FAM13B: variants seen among roughly 807,000 people sequenced by gnomAD.
The protein encoded by FAM13B is family with sequence similarity 13 member B, also known as protein FAM13B.
FAM13B carries 60 observed loss-of-function variants against 117.3 expected under a neutral mutation model. The observed-to-expected ratio is 0.51, with a 90% confidence interval of 0.42 to 0.63. The LOEUF is 0.63. Among genes scored for constraint, FAM13B ranks in the 30% least tolerant of loss-of-function variants. The probability of loss-of-function intolerance (pLI) is 0.00; values close to 1 mark genes in which losing one functional copy is unlikely to be tolerated. For missense variants in FAM13B, 972 were observed against 1,091.9 expected, an observed-to-expected ratio of 0.89 and a Z score of 1.55; for synonymous variants, 332 against 356.1, an observed-to-expected ratio of 0.93 and a Z score of 0.76.
intron 1 of FAM13B, among the ~76,000 whole-genome samples, chr5:138,049,488 G>T (rs1791740076): frequency 6.6e-6 from 1 of 151,104 alleles, no homozygotes; most frequent in South Asian, 2.1e-4. Flanking sequence ...GGTCAGGCTG[G>T]TCTTGAACTG....
chr5:138,020,969 G>T, intron 2 of FAM13B, 62 bp downstream of exon 2: 1 of 1,132,830 alleles, frequency 8.8e-7, no homozygotes. Context: ...AGCTACAGGG[G>T]CAAGTTCCAA....
chr5:138,009,845 A>G (rs1296279581), intron 6 of FAM13B, among the ~76,000 whole-genome samples: 1 of 150,824 alleles, frequency 6.6e-6, no homozygotes, highest in Non-Finnish European at 1.5e-5. Context: ...GGTGGGAATT[A>G]TTGTGGTTGA....
At chr5:138,014,490 G>T (rs1784806557) in intron 4 of FAM13B, among the ~76,000 whole-genome samples, 1 of 152,192 alleles carries the variant, frequency 6.6e-6, no homozygotes, top group Non-Finnish European at 1.5e-5. Context: ...ATCTGAGTTG[G>T]AACAGTTTCA....
intron 10 of FAM13B, among the ~76,000 whole-genome samples, chr5:137,970,022 T>G (rs1002123937): frequency 6.6e-6 from 1 of 152,248 alleles, no homozygotes; most frequent in African/African-American, 2.4e-5. Flanking sequence ...TGGAACCAAG[T>G]TGGAAAACAT....
chr5:138,030,893 C>T (rs185947068), intron 1 of FAM13B, among the ~76,000 whole-genome samples: 1 of 152,000 alleles, frequency 6.6e-6, no homozygotes, highest in East Asian at 1.9e-4. Flanking sequence ...ATTAGTCAGG[C>T]GCAGTGGCAA....
chr5:137,954,330 T>TCCA lies in FAM13B; in HGVS notation c.1551_1553dup (p.Gly518dup). The TCCA allele has an allele frequency of 6.2e-7, 1 of 1,613,966 alleles. No individual in the cohort carries two copies. The highest frequency in any genetic ancestry group is 8.5e-7 in the Non-Finnish European group (1 of 1,179,998). On this transcript the variant is annotated inframe_insertion, in exon 15 of 24. Coordinates refer to ENST00000689681, the MANE Select transcript of FAM13B (RefSeq NM_001385994.1). ...CAGCTTGTGGAGACAGCTGAGCTTCTCCAGACTCAGAGTCCTCCTGCCAAG... is the reference window on the plus strand; with the variant it reads ...CAGCTTGTGGAGACAGCTGAGCTTCTCCACCAGACTCAGAGTCCTCCTGCCAAG...
intron 10 of FAM13B, among the ~76,000 whole-genome samples, chr5:137,970,085 G>A (rs1477906307): frequency 7.2e-5 from 11 of 152,040 alleles, no homozygotes; most frequent in African/African-American, 2.2e-4. Context: ...GCAGGCCAAC[G>A]TTCAGATTCA....
chr5:138,012,028 C>T lies in FAM13B; in HGVS notation c.371-83G>A, dbSNP rs191094399. The T allele has an allele frequency of 7.7e-3, 6,860 of 891,862 alleles. 136 individuals carry two copies. Among genetic ancestry groups the T allele is most frequent in the South Asian group, 0.053 (3,253 of 60,944 alleles). 55.2% of individuals were successfully genotyped at this position (891,862 alleles called of 1,614,324 possible). On this transcript the variant is annotated intron_variant, in intron 4 of 23. Coordinates refer to ENST00000689681, the MANE Select transcript of FAM13B (RefSeq NM_001385994.1). Reference sequence around the variant, plus strand: ...TTTGCCAGGTTCACATTACTCCACCCACATCACCTTTTTAATACAACAATT... The same window carrying T: ...TTTGCCAGGTTCACATTACTCCACCTACATCACCTTTTTAATACAACAATT...
At chr5:138,005,513 T>G (rs1782321367) in intron 7 of FAM13B, among the ~76,000 whole-genome samples, 1 of 151,154 alleles carries the variant, frequency 6.6e-6, no homozygotes, top group African/African-American at 2.4e-5. Context: ...CTGAAACAAC[T>G]CAAAATATCA....
At position 138,006,980 on chromosome 5, in the gene FAM13B, G is replaced by A; in HGVS notation, c.848+10C>T. On this transcript the variant is annotated intron_variant, in intron 7 of 23. Transcript: ENST00000689681. ...CTCAAAAGCTAAAGTTCATTCAACT[G>A]AGCTATTACCTTGTTGCCGTAACAC... is the stretch of plus-strand genomic sequence containing the variant. The A allele has an allele frequency of 6.3e-7, 1 of 1,594,172 alleles. No homozygotes were observed. Among genetic ancestry groups the A allele is most frequent in the Non-Finnish European group, 8.5e-7 (1 of 1,173,998 alleles).
intron 7 of FAM13B, among the ~76,000 whole-genome samples, chr5:138,000,764 CT>C (rs1561513861): frequency 6.6e-6 from 1 of 151,974 alleles, no homozygotes; most frequent in Non-Finnish European, 1.5e-5. Flanking sequence ...AACCCCATCC[CT>C]ATTAAGATTA....
rs761135698 is a variant in FAM13B, at chr5:137,954,380, T to C, written c.1508-4A>G. The C allele has an allele frequency of 6.2e-7, 1 of 1,610,396 alleles. No individual in the cohort carries two copies. The highest frequency in any genetic ancestry group is 1.3e-5 in the African/African-American group (1 of 74,766). On this transcript the variant is annotated splice_polypyrimidine_tract_variant and splice_region_variant and intron_variant, in intron 14 of 23. Coordinates refer to ENST00000689681, the MANE Select transcript of FAM13B (RefSeq NM_001385994.1). ...GACTTAAAAGCAGGAAATGGCTCTA[T>C]AAAACAAACACAAAGAATAGTACCA...
chr5:138,011,221 G>A (rs1783921197), intron 5 of FAM13B, 72 bp from the exon 6 acceptor site: 2 of 1,409,334 alleles, frequency 1.4e-6, no homozygotes, highest in Non-Finnish European at 1.9e-6. Context: ...GACAACCAAT[G>A]AGATACTTTA....
chr5:137,950,611 G>T (rs572620607), intron 17 of FAM13B, among the ~76,000 whole-genome samples: 11 of 152,274 alleles, frequency 7.2e-5, no homozygotes, highest in African/African-American at 2.6e-4. Context: ...ATGGCTCACT[G>T]CAGCCTTGAC....
At chr5:137,947,739 A>G (rs1053482345) in intron 18 of FAM13B, among the ~76,000 whole-genome samples, 13 of 151,978 alleles carry the variant, frequency 8.6e-5, no homozygotes, top group Admixed American at 8.5e-4. Flanking sequence ...TGCCACCACA[A>G]CCTGCTAATT....
intron 7 of FAM13B, among the ~76,000 whole-genome samples, chr5:137,993,262 A>G (rs903206271): frequency 6.6e-6 from 1 of 152,194 alleles, no homozygotes; most frequent in Non-Finnish European, 1.5e-5. Context: ...TGTGGTTACA[A>G]GGATATTTGC....
chr5:138,020,910 T>C (rs557530476), intron 2 of FAM13B, 121 bp downstream of exon 2: 1 of 530,928 alleles, frequency 1.9e-6, no homozygotes, highest in South Asian at 1.0e-4. Flanking sequence ...TTCTTCAATG[T>C]ATCTGGTGCC....
chr5:138,044,926 A>T (rs1791600388), intron 1 of FAM13B, among the ~76,000 whole-genome samples: 1 of 152,260 alleles, frequency 6.6e-6, no homozygotes, highest in Non-Finnish European at 1.5e-5. Flanking sequence ...ACTAAAAAAT[A>T]CAACTTTACA....
In FAM13B at chr5:137,942,906, G is replaced by C. The variant is rs771225320; in HGVS notation, c.2557C>G (p.Leu853Val). ...EENQEKLALD[L>V]RLSSSRAASM... is the part of the protein sequence containing the mutation. ...GCTGCTCGAGAACTTGACAATCGGAGATCCAGAGCCAGTTTTTCTTGATTT... is the reference window on the plus strand; with the variant it reads ...GCTGCTCGAGAACTTGACAATCGGACATCCAGAGCCAGTTTTTCTTGATTT... Residue 853 changes from leucine to valine, a missense_variant, in exon 22 of 24, where the codon CTC becomes GTC. Coordinates refer to ENST00000689681, the MANE Select transcript of FAM13B (RefSeq NM_001385994.1). 3 of 1,612,320 alleles carry C rather than the reference G, an allele frequency of 1.9e-6. No homozygotes were observed.
Sources: allele counts gnomAD v4.1 joint callset (sites outside exome capture counted in the v4.1 genomes callset), GRCh38; gene constraint gnomAD v4.1.1; transcripts MANE v1.5; gene names NCBI Gene and HGNC (gene_info 2026-07-23, HGNC 2026-07-21).